The following ESR2 variants were observed in gnomAD, a reference collection of about 807,000 sequenced individuals.
ESR2 encodes the protein estrogen receptor beta.
A neutral mutation model predicts 49.6 loss-of-function variants in ESR2; 36 were observed. The observed-to-expected ratio is 0.73, with a 90% CI of 0.56 to 0.96. The LOEUF (loss-of-function observed/expected upper bound fraction) is 0.96, where lower values mean the gene tolerates loss of function less well. ESR2 is among the 40% of genes least tolerant of loss of function. ESR2 has a pLI of 0.00. For missense variants in ESR2, 714 were observed against 693.0 expected, an observed-to-expected ratio of 1.03 and a Z score of -0.34; for synonymous variants, 320 against 266.1, an observed-to-expected ratio of 1.20 and a Z score of -1.97.
At chr14:64,337,982 G>A (rs1014361864) in exon 1 of ESR2, 4 of 153,088 alleles carry the variant, frequency 2.6e-5, no homozygotes, top group African/African-American at 9.6e-5. Context: ...GTAACTCAAG[G>A]GGCCAGTCCT....
rs965427235 is a variant in ESR2 at position 64,233,084 on chromosome 14, G to A, written c.*53C>T. 34 of 1,579,364 alleles carry A rather than the reference G, an allele frequency of 2.2e-5. No individual in the cohort carries two copies. Among genetic ancestry groups the A allele is most frequent in the Admixed American group, 3.5e-5 (2 of 57,796 alleles). Reference sequence around the variant, plus strand: ...AAGCCCAGGCTCCTGACACACTGGAGTTCACGCTTCAGCCTGTGACCTCTG... The same window carrying A: ...AAGCCCAGGCTCCTGACACACTGGAATTCACGCTTCAGCCTGTGACCTCTG... On this transcript the variant is annotated 3_prime_UTR_variant, in exon 9 of 9. Transcript: ENST00000341099.
At chr14:64,255,679 G>A (rs776806868) in intron 6 of ESR2, among the ~76,000 whole-genome samples, 5 of 152,192 alleles carry the variant, frequency 3.3e-5, no homozygotes, top group African/African-American at 4.8e-5. Context: ...CTCAAAGGGG[G>A]CAGGAAGATT....
intron 7 of ESR2, among the ~76,000 whole-genome samples, chr14:64,245,309 C>T (rs1196740431): frequency 2.6e-5 from 4 of 151,872 alleles, no homozygotes; most frequent in Admixed American, 6.6e-5. Context: ...GTCAGGAGTT[C>T]GAGACCAGCC....
intron 1 of ESR2, among the ~76,000 whole-genome samples, chr14:64,324,812 A>G (rs1302606169): frequency 1.3e-5 from 2 of 152,234 alleles, no homozygotes; most frequent in South Asian, 4.1e-4. Context: ...AAGACTTGAC[A>G]TTTAAAAATT....
intron 6 of ESR2, among the ~76,000 whole-genome samples, chr14:64,256,620 T>G (rs1459141021): frequency 6.6e-6 from 1 of 152,036 alleles, no homozygotes; most frequent in East Asian, 1.9e-4. Flanking sequence ...TCCCAACTAC[T>G]TGAGAGGCTG....
chr14:64,269,549 C>T (rs1026563921), intron 3 of ESR2, among the ~76,000 whole-genome samples: 21 of 152,122 alleles, frequency 1.4e-4, no homozygotes, highest in African/African-American at 4.1e-4. Flanking sequence ...TTTTTATAGC[C>T]AATGATATAT....
chr14:64,260,837 G>C, intron 4 of ESR2, 89 bp from the exon 5 acceptor site: 4 of 1,231,708 alleles, frequency 3.2e-6, no homozygotes, highest in South Asian at 1.8e-5. Flanking sequence ...GGAGCCTGTG[G>C]GGCACGTACC....
chr14:64,300,763 AT>A (rs1296000853), intron 1 of ESR2, among the ~76,000 whole-genome samples: 2 of 151,714 alleles, frequency 1.3e-5, no homozygotes, highest in Non-Finnish European at 2.9e-5. Context: ...AAAAAAAAAA[AT>A]TTTTTTCTGA....
intron 1 of ESR2, among the ~76,000 whole-genome samples, chr14:64,319,403 A>T (rs2077298911): frequency 6.6e-6 from 1 of 152,084 alleles, no homozygotes; most frequent in Non-Finnish European, 1.5e-5. Flanking sequence ...AGCAAGATTC[A>T]TGAAAAAAAA....
rs766115258 is a variant in ESR2 at position 64,260,421 on chromosome 14, T to C, written c.952+28A>G. 20 of 1,523,392 alleles carry C rather than the reference T, an allele frequency of 1.3e-5. No homozygotes were observed. The East Asian group carries it at 3.9e-4, about 29-fold the overall frequency. The allele number at this position is 1,523,392 out of a possible 1,614,324, so 94.4% of individuals were successfully genotyped here. ...AGCGGCCGGCCTTTCTACAAGTACA[T>C]GGAAAACTGATAGCCAGAAAGCCCT... On this transcript the variant is annotated intron_variant, in intron 5 of 8. Coordinates refer to ENST00000341099, the MANE Select transcript of ESR2 (RefSeq NM_001437.3).
chr14:64,238,352 G>A (rs2075650203), intron 7 of ESR2, among the ~76,000 whole-genome samples: 1 of 151,710 alleles, frequency 6.6e-6, no homozygotes, highest in African/African-American at 2.4e-5. Flanking sequence ...TACATATGGT[G>A]GGGTAGGGGG....
intron 6 of ESR2, among the ~76,000 whole-genome samples, chr14:64,256,760 AC>A (rs910487698): frequency 6.6e-6 from 1 of 151,892 alleles, no homozygotes; most frequent in African/African-American, 2.4e-5. Context: ...ACAAAACAAA[AC>A]AAAAAAAAAC....
chr14:64,279,772 G>C (rs1419429457), intron 3 of ESR2, among the ~76,000 whole-genome samples: 1 of 152,152 alleles, frequency 6.6e-6, no homozygotes, highest in Admixed American at 6.5e-5. Flanking sequence ...ATTCGAGTTG[G>C]CTGTATAATC....
At chr14:64,303,506 TCTC>T (rs1203803395) in intron 1 of ESR2, 2 of 152,078 alleles carry the variant, frequency 1.3e-5, no homozygotes, top group African/African-American at 2.4e-5. Flanking sequence ...CCATGTGCAT[TCTC>T]CTCCTGCTCC....
At chr14:64,291,250 T>C (rs1472890601) in intron 1 of ESR2, among the ~76,000 whole-genome samples, 1 of 152,176 alleles carries the variant, frequency 6.6e-6, no homozygotes, top group Non-Finnish European at 1.5e-5. Flanking sequence ...CAGTCTGGCT[T>C]TGAGGAAACA....
At chr14:64,316,947 T>A (rs1202171744) in intron 1 of ESR2, among the ~76,000 whole-genome samples, 1 of 152,188 alleles carries the variant, frequency 6.6e-6, no homozygotes, top group Non-Finnish European at 1.5e-5. Flanking sequence ...GGGGTTGTAT[T>A]TGGCCATTCT....
At chr14:64,311,192 AC>A (rs1485067532) in intron 1 of ESR2, among the ~76,000 whole-genome samples, 5 of 152,214 alleles carry the variant, frequency 3.3e-5, no homozygotes, top group Non-Finnish European at 7.3e-5. Flanking sequence ...GTTAAGCAAT[AC>A]TAAAGAAAAT....
rs986361217 is a variant in ESR2 at position 64,234,946 on chromosome 14, A to C, written c.1406+24T>G. 5.0e-6 allele frequency: 8 copies of C among 1,606,274 alleles called. No homozygotes were observed. In the African/African-American group the frequency reaches 9.4e-5, roughly 19 times the overall value. On this transcript the variant is annotated intron_variant, in intron 8 of 8. Transcript: ENST00000341099. Reference sequence around the variant, plus strand: ...ACATAATCCCATCCCAAGCCCAAGCAGAGCAGCTCCTTAGGGCGCGTACCT... The same window carrying C: ...ACATAATCCCATCCCAAGCCCAAGCCGAGCAGCTCCTTAGGGCGCGTACCT...
intron 1 of ESR2, among the ~76,000 whole-genome samples, chr14:64,318,537 CAAAAAAAAAAAAAAAAAA>C (rs58597271): frequency 6.2e-5 from 2 of 32,428 alleles, no homozygotes; most frequent in South Asian, 3.3e-3. Flanking sequence ...AACTCCATCT[CAAAAAAAAAAAAAAAAAA>C]AAAAAAAAAA....
Sources: gnomAD v4.1 joint callset for allele counts (sites outside exome capture counted in the v4.1 genomes callset) on GRCh38, gnomAD v4.1.1 for gene constraint, MANE v1.5 for transcripts, NCBI Gene and HGNC (gene_info 2026-07-23, HGNC 2026-07-21) for gene names.